Variants in IQGAP2 observed in about 807,000 individuals in gnomAD.
IQGAP2 encodes IQ motif containing GTPase activating protein 2.
IQGAP2 carries 173 observed loss-of-function variants against 201.3 expected under a neutral mutation model. That is an observed-to-expected ratio of 0.86 (90% CI 0.76 to 0.98). The LOEUF is 0.98. IQGAP2 is among the 50% of genes least tolerant of loss of function. The pLI is 0.00. For synonymous variants in IQGAP2, 675 were observed against 673.9 expected, an observed-to-expected ratio of 1.00 and a Z score of -0.03; for missense variants, 1,687 against 1,864.8, an observed-to-expected ratio of 0.90 and a Z score of 1.76.
At chr5:76,547,219 G>T (rs1015610134) in intron 2 of IQGAP2, among the ~76,000 whole-genome samples, 2 of 152,124 alleles carry the variant, frequency 1.3e-5, no homozygotes, top group Non-Finnish European at 2.9e-5. Context: ...CTCCAAGAAA[G>T]GGTTAACTTT....
At chr5:76,659,548 TC>T (rs1743070936) in intron 21 of IQGAP2, among the ~76,000 whole-genome samples, 2 of 152,168 alleles carry the variant, frequency 1.3e-5, no homozygotes, top group African/African-American at 4.8e-5. Flanking sequence ...TTCTAGAAAA[TC>T]CTAGCTTTTG....
chr5:76,651,497 G>A (rs1752509377), intron 17 of IQGAP2, among the ~76,000 whole-genome samples: 1 of 152,214 alleles, frequency 6.6e-6, no homozygotes, highest in Non-Finnish European at 1.5e-5. Context: ...CAGCTATTCA[G>A]GAGTCTGAGG....
At chr5:76,571,153 A>C (rs1190966000) in intron 4 of IQGAP2, among the ~76,000 whole-genome samples, 1 of 151,868 alleles carries the variant, frequency 6.6e-6, no homozygotes, top group Non-Finnish European at 1.5e-5. Context: ...TATTACTGTA[A>C]ATTATTATAA....
chr5:76,597,400 G>T, intron 9 of IQGAP2, 39 bp from the exon 10 acceptor site: 1 of 1,608,646 alleles, frequency 6.2e-7, no homozygotes, highest in Non-Finnish European at 8.5e-7. Context: ...GCAGTGGAAA[G>T]AGCAACCATT....
chr5:76,442,726 C>T (rs1248187970), intron 1 of IQGAP2, among the ~76,000 whole-genome samples: 1 of 152,196 alleles, frequency 6.6e-6, no homozygotes, highest in Non-Finnish European at 1.5e-5. Context: ...GTGGTTCACA[C>T]CTGTAATCCC....
Position 76,501,643 on chromosome 5 carries a change from CTTTT to C in IQGAP2, c.146+39985_146+39988del, listed in dbSNP as rs56929376. ...CCTGCTGCATTTTCTTTTTCCTTTTCTTTTTTTTTTTTTTCCTTGAGACAGTTTC... is the reference window on the plus strand; with the variant it reads ...CCTGCTGCATTTTCTTTTTCCTTTTCTTTTTTTTTTCCTTGAGACAGTTTC... On this transcript the variant is annotated intron_variant, in intron 2 of 35. Transcript: ENST00000274364. 3.0e-5 allele frequency among the ~76,000 whole-genome samples: 3 copies of C among 101,134 alleles called. No homozygotes were observed. The South Asian group carries it at 9.6e-4, about 32-fold the overall frequency. 66.3% of individuals were successfully genotyped at this position (101,134 alleles called of 152,430 possible).
At chr5:76,655,570 T>C (rs411588) in intron 20 of IQGAP2, among the ~76,000 whole-genome samples, 94,958 of 151,894 alleles carry the variant, frequency 0.63, 29,947 homozygotes, top group South Asian at 0.82. Context: ...GCCTCAGCCT[T>C]CCGAGTAGCT....
chr5:76,621,868 A>G (rs1749710442), intron 13 of IQGAP2, among the ~76,000 whole-genome samples: 3 of 152,182 alleles, frequency 2.0e-5, no homozygotes, highest in Admixed American at 2.0e-4. Context: ...AAGGCCTTGA[A>G]GAACTAATCC....
chr5:76,532,779 C>T (rs1369284468), intron 2 of IQGAP2, among the ~76,000 whole-genome samples: 1 of 152,196 alleles, frequency 6.6e-6, no homozygotes, highest in Admixed American at 6.5e-5. Context: ...AAACATCAGG[C>T]ACTCTTTGCC....
intron 2 of IQGAP2, among the ~76,000 whole-genome samples, chr5:76,545,701 T>C (rs963312783): frequency 1.3e-5 from 2 of 152,242 alleles, no homozygotes; most frequent in African/African-American, 2.4e-5. Flanking sequence ...TCTGTCTTTG[T>C]AGGGCCAAAC....
At chr5:76,421,477 C>T (rs774478523) in intron 1 of IQGAP2, among the ~76,000 whole-genome samples, 2 of 151,836 alleles carry the variant, frequency 1.3e-5, no homozygotes, top group South Asian at 2.1e-4. Context: ...ATTAGCTGGT[C>T]GTGGTGGTGT....
At position 76,532,508 on chromosome 5, in the gene IQGAP2, A is replaced by C. The variant is rs534846169; in HGVS notation, c.147-29888A>C. On this transcript the variant is annotated intron_variant, in intron 2 of 35. Coordinates refer to ENST00000274364, the MANE Select transcript of IQGAP2 (RefSeq NM_006633.5). ...GGGTGGGGGGGTAGAAGGTGATAGA[A>C]AACCCTTTGCATATGATATGGTGGT... Among the ~76,000 whole-genome samples, 5 of 152,208 alleles carry C rather than the reference A, an allele frequency of 3.3e-5. No individual in the cohort carries two copies. In the South Asian group the frequency reaches 1.0e-3, roughly 32 times the overall value.
At chr5:76,498,449 A>G (rs1197042265) in intron 2 of IQGAP2, among the ~76,000 whole-genome samples, 1 of 152,204 alleles carries the variant, frequency 6.6e-6, no homozygotes, top group East Asian at 1.9e-4. Flanking sequence ...AGAGACAGAA[A>G]CAGAGCCAAG....
At chr5:76,672,108 A>G in intron 24 of IQGAP2, 125 bp downstream of exon 24, 1 of 696,868 alleles carries the variant, frequency 1.4e-6, no homozygotes, top group Non-Finnish European at 2.5e-6. Context: ...CCAAAATGTT[A>G]CCTCCCTTTA....
intron 2 of IQGAP2, among the ~76,000 whole-genome samples, chr5:76,534,293 C>T (rs1328923492): frequency 6.6e-6 from 1 of 152,158 alleles, no homozygotes; most frequent in Admixed American, 6.5e-5. Context: ...GCTAAACATC[C>T]TACTGATCAA....
rs1295638643 is a variant in IQGAP2, at chr5:76,461,578, G to A, written c.55G>A (p.Asp19Asn). ...TTATCCTCTATTTCTAGCTATTGTG[G>A]ACGATGAAAGGCTCTCTGCAGAGGA... Reference protein sequence around the residue: ...LQRPRYGSIVDDERLSAEEMD... With the variant: ...LQRPRYGSIVNDERLSAEEMD... Residue 19 changes from aspartate (D) to asparagine (N), a missense_variant, in exon 2 of 36, where the codon GAC (aspartate) becomes AAC (asparagine). Asp to Asn is a conservative substitution (Grantham distance 23). Transcript: ENST00000274364. 1.2e-6 allele frequency: 2 copies of A among 1,612,224 alleles called. No individual in the cohort carries two copies. Among genetic ancestry groups the A allele is most frequent in the East Asian group, 2.2e-5 (1 of 44,868 alleles).
At chr5:76,432,865 C>T (rs1403197425) in intron 1 of IQGAP2, among the ~76,000 whole-genome samples, 1 of 152,234 alleles carries the variant, frequency 6.6e-6, no homozygotes, top group Admixed American at 6.5e-5. Context: ...CCCTGGGAGG[C>T]AGACCATTAT....
Position 76,693,570 on chromosome 5 carries a change from A to G in IQGAP2, c.3993+128A>G, listed in dbSNP as rs569639884. The G allele has an allele frequency of 4.2e-5, 27 of 648,050 alleles. No individual in the cohort carries two copies. In the South Asian group the frequency reaches 4.3e-4, roughly 10 times the overall value. 40.1% of individuals were successfully genotyped at this position (648,050 alleles called of 1,614,324 possible). On this transcript the variant is annotated intron_variant, in intron 31 of 35. Transcript: ENST00000274364. ...GGTCCGGAAGTAAGGAATTTTATCT[A>G]TTACTGCAGTGGACTTAGTTCAGCC...
rs530560314 is a variant in IQGAP2 at position 76,695,705 on chromosome 5, G to A, written c.4206+39G>A. 98 of 1,521,612 alleles carry A rather than the reference G, an allele frequency of 6.4e-5. 1 individual carries two copies. The South Asian group carries it at 7.1e-4, about 11-fold the overall frequency. The allele number at this position is 1,521,612 out of a possible 1,614,324, so 94.3% of individuals were successfully genotyped here. A position where few individuals can be genotyped will look rare whatever the true frequency, so the allele number is the denominator to read the frequency against. On this transcript the variant is annotated intron_variant, in intron 32 of 35. Transcript: ENST00000274364. Reference sequence around the variant, plus strand: ...GTATTCTTTCTTCCTTCACTTAGCAGACATTTGCTAATCACCAGTCAAGTG... The same window carrying A: ...GTATTCTTTCTTCCTTCACTTAGCAAACATTTGCTAATCACCAGTCAAGTG...
Sources: allele counts gnomAD v4.1 joint callset (sites outside exome capture counted in the v4.1 genomes callset), GRCh38; gene constraint gnomAD v4.1.1; transcripts MANE v1.5; gene names NCBI Gene and HGNC (gene_info 2026-07-23, HGNC 2026-07-21).